The following SEPHS1 variants were observed in gnomAD, a reference collection of about 807,000 sequenced individuals.
The protein encoded by SEPHS1 is zincore component SEPHS1.
In SEPHS1, 7 loss-of-function variants were observed where a neutral mutation model predicts 39.2. The ratio of observed to expected loss-of-function variants is 0.18; its 90% confidence interval spans 0.10 to 0.34. The LOEUF (loss-of-function observed/expected upper bound fraction) is 0.34. SEPHS1 is among the 10% of genes least tolerant of loss of function. The probability of loss-of-function intolerance (pLI) is 1.00; values close to 1 mark genes in which losing one functional copy is unlikely to be tolerated. For missense variants in SEPHS1, 253 were observed against 514.5 expected (o/e 0.49, Z 4.92); for synonymous variants, 190 against 195.5 (o/e 0.97, Z 0.23).
intron 2 of SEPHS1, among the ~76,000 whole-genome samples, chr10:13,340,250 A>G (rs1215836253): frequency 6.6e-6 from 1 of 151,948 alleles, no homozygotes; most frequent in Non-Finnish European, 1.5e-5. Flanking sequence ...CTGTGAAGAC[A>G]GGCTGATTTT....
chr10:13,321,601 A>G (rs1833118740), intron 8 of SEPHS1, among the ~76,000 whole-genome samples: 1 of 152,230 alleles, frequency 6.6e-6, no homozygotes, highest in African/African-American at 2.4e-5. Flanking sequence ...TCTAGAGGAA[A>G]GGAAATAGAA....
chr10:13,325,419 G>A (rs1022639432), intron 7 of SEPHS1, among the ~76,000 whole-genome samples: 6 of 152,122 alleles, frequency 3.9e-5, no homozygotes, highest in African/African-American at 1.2e-4. Flanking sequence ...GGTTTCCCTC[G>A]TGCTGTTCTC....
chr10:13,347,763 C>T (rs1833972309), intron 1 of SEPHS1, among the ~76,000 whole-genome samples: 1 of 144,468 alleles, frequency 6.9e-6, no homozygotes. Context: ...CCCTCCCTCC[C>T]TCCTTCCCCG....
chr10:13,333,824 A>C lies in SEPHS1; in HGVS notation c.553T>G (p.Phe185Val). ...VATTVCQPNE[F>V]IMPDNAVPGD... ...AAACAAAAATCAACTTACATGATAA[A>C]TTCATTGGGTTGGCAGACAGTGGTA... The change falls in exon 5 of 9, where the codon TTT becomes GTT. Residue 185 changes from phenylalanine to valine, a missense_variant. Phe to Val is a conservative substitution (Grantham distance 50). Coordinates refer to ENST00000327347, the MANE Select transcript of SEPHS1 (RefSeq NM_012247.5). The C allele has an allele frequency of 1.2e-6, 2 of 1,613,006 alleles. No individual in the cohort carries two copies. Among genetic ancestry groups the C allele is most frequent in the Non-Finnish European group, 1.7e-6 (2 of 1,179,796 alleles).
At chr10:13,347,615 C>T (rs920370246) in intron 1 of SEPHS1, among the ~76,000 whole-genome samples, 1 of 147,032 alleles carries the variant, frequency 6.8e-6, no homozygotes, top group Non-Finnish European at 1.5e-5. Flanking sequence ...GCGGGGAGGC[C>T]CCGGAGGCAC....
intron 6 of SEPHS1, among the ~76,000 whole-genome samples, chr10:13,329,252 A>T (rs1408417116): frequency 6.6e-6 from 1 of 152,254 alleles, no homozygotes; most frequent in Non-Finnish European, 1.5e-5. Flanking sequence ...TGAGTTACTC[A>T]TCAGTTTAAA....
rs554390149 is a variant in SEPHS1 at position 13,333,693 on chromosome 10, G to A, written c.560+124C>T. The A allele has an allele frequency of 3.1e-5, 30 of 953,152 alleles. No homozygotes were observed. The East Asian group carries it at 4.6e-4, about 15-fold the overall frequency. The allele number at this position is 953,152 out of a possible 1,614,324, so 59.0% of individuals were successfully genotyped here. A position where few individuals can be genotyped will look rare whatever the true frequency, so the allele number is the denominator to read the frequency against. On this transcript the variant is annotated intron_variant, in intron 5 of 8. Transcript: ENST00000327347. The stretch of plus-strand genomic sequence containing the variant: ...TGACCTCAGGTGATCTGCCCGCCTC[G>A]GCCTACCAAAGTCTGGGATCATATG...
intron 2 of SEPHS1, among the ~76,000 whole-genome samples, chr10:13,344,272 G>T (rs1437236708): frequency 1.3e-5 from 2 of 152,172 alleles, no homozygotes; most frequent in Admixed American, 1.3e-4. Flanking sequence ...CATTTTAGGA[G>T]TCCTTTTAGG....
At chr10:13,333,793 G>A (rs1432856734) in intron 5 of SEPHS1, 24 bp downstream of exon 5, 2 of 1,610,716 alleles carry the variant, frequency 1.2e-6, no homozygotes, top group Non-Finnish European at 8.5e-7. Flanking sequence ...CAGGTCAGGT[G>A]ATATGAAACA....
intron 2 of SEPHS1, among the ~76,000 whole-genome samples, chr10:13,343,456 G>A (rs1833849673): frequency 6.6e-6 from 1 of 152,052 alleles, no homozygotes; most frequent in Non-Finnish European, 1.5e-5. Context: ...CTCTATCTGG[G>A]AGTAAAGGAG....
At position 13,323,146 on chromosome 10, in the gene SEPHS1, G is replaced by C; in HGVS notation, c.752-99C>G. ...CTGCAACTTCCTTACTTGTCAGGGAGATGACGTATCGGAATAATGAAAACG... is the reference window on the plus strand; with the variant it reads ...CTGCAACTTCCTTACTTGTCAGGGACATGACGTATCGGAATAATGAAAACG... On this transcript the variant is annotated intron_variant, in intron 7 of 8. Transcript: ENST00000327347. 3 of 926,520 alleles carry C rather than the reference G, an allele frequency of 3.2e-6. No individual in the cohort carries two copies. The South Asian group carries it at 4.3e-5, about 13-fold the overall frequency. 57.4% of individuals were successfully genotyped at this position (926,520 alleles called of 1,614,324 possible). A position where few individuals can be genotyped will look rare whatever the true frequency, so the allele number is the denominator to read the frequency against.
At chr10:13,343,537 G>T (rs979459846) in intron 2 of SEPHS1, among the ~76,000 whole-genome samples, 4 of 152,132 alleles carry the variant, frequency 2.6e-5, no homozygotes, top group Admixed American at 2.6e-4. Context: ...ACCTTGGCTG[G>T]GTGTGGTGGC....
At position 13,329,038 on chromosome 10, in the gene SEPHS1, T is replaced by C. The variant is rs140556255; in HGVS notation, c.652-588A>G. ...TCTTTCAACTGTTTCTCAGGACTGG[T>C]AGTTTCAGATGATAGTTGTAGAAAT... On this transcript the variant is annotated intron_variant, in intron 6 of 8. Coordinates refer to ENST00000327347, the MANE Select transcript of SEPHS1 (RefSeq NM_012247.5). Among the ~76,000 whole-genome samples, 19 of 152,338 alleles carry C rather than the reference T, an allele frequency of 1.2e-4. No homozygotes were observed. The East Asian group carries it at 3.3e-3, about 26-fold the overall frequency.
chr10:13,323,227 G>A (rs1213205084), intron 7 of SEPHS1, among the ~76,000 whole-genome samples, 180 bp from the exon 8 acceptor site: 2 of 152,214 alleles, frequency 1.3e-5, no homozygotes, highest in East Asian at 3.9e-4. Context: ...ATTTCACTTT[G>A]AGCCACCTGA....
At position 13,319,355 on chromosome 10, in the gene SEPHS1, G is replaced by C; in HGVS notation, c.966C>G (p.Gly322=). The C allele has an allele frequency of 1.2e-6, 2 of 1,612,136 alleles. No individual in the cohort carries two copies. Among genetic ancestry groups the C allele is most frequent in the African/African-American group, 1.3e-5 (1 of 74,920 alleles). ...CACGTGGTAAACAGATCAGAAGGCC[G>C]CCTGGCAAAAGAAAACAAGAATGAC... The part of the protein sequence containing the change: ...LMHGTCPETS[G]GLLICLPREQ... The change falls in exon 9 of 9, where the codon GGC becomes GGG. Residue 322 remains glycine (G), a splice_region_variant and synonymous_variant. Transcript: ENST00000327347.
chr10:13,322,713 C>G, intron 8 of SEPHS1, 122 bp downstream of exon 8: 1 of 895,634 alleles, frequency 1.1e-6, no homozygotes, highest in Non-Finnish European at 1.7e-6. Flanking sequence ...CTGCGGAGGC[C>G]GAGGTCAGCA....
chr10:13,325,528 T>C (rs1222985147), intron 7 of SEPHS1, among the ~76,000 whole-genome samples: 3 of 152,164 alleles, frequency 2.0e-5, no homozygotes, highest in African/African-American at 7.2e-5. Context: ...CCTAGGTGCC[T>C]GTTTCCCCTT....
At chr10:13,325,969 A>G (rs1833274410) in intron 7 of SEPHS1, among the ~76,000 whole-genome samples, 2 of 112,532 alleles carry the variant, frequency 1.8e-5, no homozygotes, top group Non-Finnish European at 2.0e-5. Flanking sequence ...AAAAAATAAT[A>G]ATAATAATAA....
intron 5 of SEPHS1, among the ~76,000 whole-genome samples, chr10:13,332,054 G>A (rs1033528322): frequency 3.9e-5 from 6 of 152,220 alleles, no homozygotes; most frequent in South Asian, 2.1e-4. Context: ...CCAAGAGACC[G>A]GAACTTATGT....
Sources: allele counts gnomAD v4.1 joint callset (sites outside exome capture counted in the v4.1 genomes callset), GRCh38; gene constraint gnomAD v4.1.1; transcripts MANE v1.5; gene names NCBI Gene and HGNC (gene_info 2026-07-23, HGNC 2026-07-21).